The following NCBP1 variants were observed in gnomAD, a reference collection of about 807,000 sequenced individuals.
NCBP1 encodes nuclear cap-binding protein subunit 1.
In NCBP1, 16 loss-of-function variants were observed where a neutral mutation model predicts 111.7. The observed-to-expected ratio is 0.14, with a 90% CI of 0.10 to 0.22. The LOEUF is 0.22. Ranked by LOEUF, NCBP1 falls within the 10% of genes least tolerant of loss-of-function variation. The pLI, the probability that NCBP1 is intolerant of heterozygous loss-of-function variation, is 1.00. For synonymous variants in NCBP1, 304 were observed against 314.3 expected (o/e 0.97, Z 0.35); for missense variants, 607 against 957.5 (o/e 0.63, Z 4.83).
intron 1 of NCBP1, among the ~76,000 whole-genome samples, chr9:97,637,744 A>G (rs1357433738): frequency 6.6e-6 from 1 of 152,178 alleles, no homozygotes; most frequent in Admixed American, 6.5e-5. Flanking sequence ...GTAATGTTGA[A>G]GTTGTTGGTT....
intron 1 of NCBP1, among the ~76,000 whole-genome samples, chr9:97,636,891 T>C (rs1033141134): frequency 4.6e-5 from 7 of 151,662 alleles, no homozygotes; most frequent in African/African-American, 1.5e-4. Flanking sequence ...TTTATGTAAG[T>C]TGATTAGAGA....
chr9:97,650,774 G>A (rs936130333), intron 9 of NCBP1, among the ~76,000 whole-genome samples, 174 bp downstream of exon 9: 1 of 152,144 alleles, frequency 6.6e-6, no homozygotes. Context: ...CTTCACCCTT[G>A]TATAGTACTT....
rs556172974 is a variant in NCBP1 at position 97,634,040 on chromosome 9, G to A, written c.34+125G>A. 86 of 1,209,930 alleles carry A rather than the reference G, an allele frequency of 7.1e-5. No individual in the cohort carries two copies. In the Admixed American group the frequency reaches 1.4e-3, roughly 20 times the overall value. 74.9% of individuals were successfully genotyped at this position (1,209,930 alleles called of 1,614,324 possible). On this transcript the variant is annotated intron_variant, in intron 1 of 22. Transcript: ENST00000375147. ...GGGAACGTGCGGGGAGCCGCGGAGG[G>A]AAAGAGGAGAATATGGTGGCGGTGT...
chr9:97,642,664 A>T (rs1827234618), intron 3 of NCBP1, among the ~76,000 whole-genome samples: 1 of 152,128 alleles, frequency 6.6e-6, no homozygotes, highest in South Asian at 2.1e-4. Flanking sequence ...AAATTCAATA[A>T]TTAAACTGGT....
At chr9:97,661,213 A>G (rs545569884) in intron 16 of NCBP1, 145 bp downstream of exon 16, 4 of 865,070 alleles carry the variant, frequency 4.6e-6, no homozygotes, top group East Asian at 6.0e-5. Context: ...CACCCCAGGT[A>G]TTTTCCCCTT....
At chr9:97,658,780 T>TTG (rs1467982748) in intron 15 of NCBP1, 37 bp downstream of exon 15, 1 of 1,452,280 alleles carries the variant, frequency 6.9e-7, no homozygotes, top group African/African-American at 1.4e-5. Context: ...CTTTAAAAGG[T>TTG]ACCAGTTCAA....
At chr9:97,635,403 C>A (rs183198908) in intron 1 of NCBP1, among the ~76,000 whole-genome samples, 1 of 147,948 alleles carries the variant, frequency 6.8e-6, no homozygotes, top group Admixed American at 6.9e-5. Context: ...ACAGAAAATA[C>A]AATTCCCTCC....
intron 21 of NCBP1, 79 bp from the exon 22 acceptor site, chr9:97,669,514 G>A (rs1828110388): frequency 8.8e-6 from 8 of 913,214 alleles, no homozygotes; most frequent in South Asian, 8.6e-5. Flanking sequence ...CAATACTTTG[G>A]GGTTTCTTTG....
chr9:97,666,287 CTAA>C (rs1827999661), intron 19 of NCBP1, among the ~76,000 whole-genome samples: 1 of 152,294 alleles, frequency 6.6e-6, no homozygotes, highest in African/African-American at 2.4e-5. Flanking sequence ...CTATTATCAA[CTAA>C]TGAGTTTCTT....
chr9:97,634,354 C>T (rs1011000021), intron 1 of NCBP1, among the ~76,000 whole-genome samples: 1 of 152,222 alleles, frequency 6.6e-6, no homozygotes, highest in Non-Finnish European at 1.5e-5. Flanking sequence ...TCATGAGTTG[C>T]AGTCTGAACT....
At chr9:97,643,676 T>C (rs1486629374) in intron 4 of NCBP1, among the ~76,000 whole-genome samples, 1 of 152,134 alleles carries the variant, frequency 6.6e-6, no homozygotes, top group Non-Finnish European at 1.5e-5. Flanking sequence ...CACTGTGTAC[T>C]GAATAACCCA....
rs766937640 is a variant in NCBP1 at position 97,664,370 on chromosome 9, C to T, written c.1828C>T (p.Arg610Cys). ...TGCTGTACTAGTGGATAAGATGATT[C>T]GTACACAAATAGTTGATTGTGCTGC... ...MIAVLVDKMI[R>C]TQIVDCAAVA... Residue 610 changes from arginine to cysteine, a missense_variant, in exon 19 of 23, where the codon CGT becomes TGT. This residue lies in a region of NCBP1 where 282 missense variants were observed against 376.5 expected (regional missense o/e 0.75). Coordinates refer to ENST00000375147, the MANE Select transcript of NCBP1 (RefSeq NM_002486.5). The T allele has an allele frequency of 7.6e-5, 123 of 1,612,086 alleles. No individual in the cohort carries two copies. The highest frequency in any genetic ancestry group is 9.9e-5 in the Non-Finnish European group (117 of 1,178,508).
In NCBP1 at chr9:97,648,437, C is replaced by T. The variant is rs1009361335; in HGVS notation, c.897+214C>T. Among the ~76,000 whole-genome samples, 5 of 152,168 alleles carry T rather than the reference C, an allele frequency of 3.3e-5. No homozygotes were observed. In the East Asian group the frequency reaches 5.8e-4, roughly 18 times the overall value. On this transcript the variant is annotated intron_variant, in intron 8 of 22. Coordinates refer to ENST00000375147, the MANE Select transcript of NCBP1 (RefSeq NM_002486.5). ...GGCATGTGTAAATAGATTACAGAGA[C>T]GTGCACAGTTTGCAGGCTAAGAGTG...
intron 13 of NCBP1, 71 bp downstream of exon 13, chr9:97,655,835 G>A (rs1345459599): frequency 6.9e-7 from 1 of 1,446,540 alleles, no homozygotes. Context: ...TAACATAAAA[G>A]TGTCTGAAAT....
intron 19 of NCBP1, among the ~76,000 whole-genome samples, chr9:97,664,913 G>A (rs1434787744): frequency 6.6e-6 from 1 of 152,184 alleles, no homozygotes; most frequent in Non-Finnish European, 1.5e-5. Context: ...ATGGGGGAAA[G>A]GGGTTCTCAC....
rs1042497779 is a variant in NCBP1, at chr9:97,672,208, C to T, written c.*1009C>T. 9 of 152,054 alleles carry T rather than the reference C, an allele frequency of 5.9e-5. No homozygotes were observed. The highest frequency in any genetic ancestry group is 1.0e-4 in the Non-Finnish European group (7 of 68,010). The allele number at this position is 152,054 out of a possible 1,614,324, so 9.4% of individuals were successfully genotyped here. ...AGGAATTGTCTGACATTCCAAATTT[C>T]GAGGATTTTTAGACTTTTTTCATTA... On this transcript the variant is annotated 3_prime_UTR_variant, in exon 23 of 23. Transcript: ENST00000375147.
intron 16 of NCBP1, among the ~76,000 whole-genome samples, 176 bp downstream of exon 16, chr9:97,661,244 A>G (rs1233104762): frequency 6.6e-6 from 1 of 152,176 alleles, no homozygotes; most frequent in Non-Finnish European, 1.5e-5. Flanking sequence ...AGATCCTAAC[A>G]TTTCTGTGAT....
intron 10 of NCBP1, among the ~76,000 whole-genome samples, chr9:97,652,053 G>C (rs1827511250): frequency 6.6e-6 from 1 of 152,172 alleles, no homozygotes; most frequent in Admixed American, 6.5e-5. Flanking sequence ...GCCCAGGCTG[G>C]AGGGCAGTAG....
chr9:97,638,293 C>T (rs752613763), intron 1 of NCBP1, among the ~76,000 whole-genome samples: 9 of 152,128 alleles, frequency 5.9e-5, no homozygotes, highest in Non-Finnish European at 8.8e-5. Context: ...AAATATTGTC[C>T]TTTAATATAG....
Sources: gnomAD v4.1 joint callset for allele counts (sites outside exome capture counted in the v4.1 genomes callset) on GRCh38, gnomAD v4.1.1 for gene constraint, gnomAD v4.1.1 regional missense constraint, MANE v1.5 for transcripts, NCBI Gene and HGNC (gene_info 2026-07-23, HGNC 2026-07-21) for gene names.